Variants in STOML1 observed in about 807,000 individuals in gnomAD.
STOML1 encodes stomatin like 1, also known as stomatin-like protein 1.
In STOML1, 27 loss-of-function variants were observed where a neutral mutation model predicts 35.7. That is an observed-to-expected ratio of 0.76 (90% CI 0.56 to 1.04). STOML1 has a LOEUF of 1.04. Among genes scored for constraint, STOML1 ranks in the 50% least tolerant of loss-of-function variants. The pLI is 0.00. For missense variants in STOML1, 451 were observed against 527.1 expected (o/e 0.86, Z 1.41); for synonymous variants, 219 against 227.9 (o/e 0.96, Z 0.35).
At position 73,983,402 on chromosome 15, in the gene STOML1, C is replaced by T. The variant is rs1159817125; in HGVS notation, c.*535G>A. On this transcript the variant is annotated 3_prime_UTR_variant, in exon 7 of 7. Coordinates refer to ENST00000541638, the MANE Select transcript of STOML1 (RefSeq NM_004809.5). ...GGAAGCAGCAGGCCCTGCTCCTTCC[C>T]ATGCCCAATCCCGCCAGCACGGGCC... 3 of 152,590 alleles carry T rather than the reference C, an allele frequency of 2.0e-5. No homozygotes were observed. Among genetic ancestry groups the T allele is most frequent in the Non-Finnish European group, 4.4e-5 (3 of 68,346 alleles). The allele number at this position is 152,590 out of a possible 1,614,324, so 9.5% of individuals were successfully genotyped here.
chr15:73,992,463 AC>A, upstream of STOML1: 1 of 376,830 alleles, frequency 2.7e-6, no homozygotes. Flanking sequence ...CGTTCCTCGG[AC>A]CCCGCTGGGG....
In STOML1 at chr15:73,981,711, A is replaced by G. The variant is rs2068962828; in HGVS notation, c.*2226T>C. ...ACTTGGTAGCTGGGATGTGGAGGAC[A>G]TCACCTCCTCAGGAAAGCCTTCTCT... is the stretch of plus-strand genomic sequence containing the variant. On this transcript the variant is annotated 3_prime_UTR_variant, in exon 7 of 7. Transcript: ENST00000541638. 1 of 152,200 alleles carries G rather than the reference A, an allele frequency of 6.6e-6. No individual in the cohort carries two copies. Among genetic ancestry groups the G allele is most frequent in the Non-Finnish European group, 1.5e-5 (1 of 68,078 alleles). The allele number at this position is 152,200 out of a possible 1,614,324, so 9.4% of individuals were successfully genotyped here. A position where few individuals can be genotyped will look rare whatever the true frequency, so the allele number is the denominator to read the frequency against.
rs1314701103 is a variant in STOML1 at position 73,983,914 on chromosome 15, C to T, written c.*23G>A. On this transcript the variant is annotated 3_prime_UTR_variant, in exon 7 of 7. Transcript: ENST00000541638. Reference sequence around the variant, plus strand: ...GCTTGGTGCCAGGCTTGGGACTGGGCTCTGGAAAGTCAGCCAAGGCTGCTA... The same window carrying T: ...GCTTGGTGCCAGGCTTGGGACTGGGTTCTGGAAAGTCAGCCAAGGCTGCTA... 1.2e-6 allele frequency: 2 copies of T among 1,601,512 alleles called. No homozygotes were observed. The highest frequency in any genetic ancestry group is 1.7e-6 in the Non-Finnish European group (2 of 1,171,960).
upstream of STOML1, chr15:73,994,528 C>G (rs1465943978): frequency 1.1e-5 from 6 of 525,340 alleles, no homozygotes; most frequent in Non-Finnish European, 2.1e-5. Flanking sequence ...CCCTGCAGCT[C>G]TGCCCTACCT....
In STOML1 at chr15:73,979,943, C is replaced by T. The variant is rs1241486399; in HGVS notation, c.*3994G>A. ...AAAAAAAAAAAAAAAAAAAGCCAGG[C>T]ATGGTGATCCTTTAAGCCTGGGAGG... is the stretch of plus-strand genomic sequence containing the variant. On this transcript the variant is annotated 3_prime_UTR_variant, in exon 7 of 7. Coordinates refer to ENST00000541638, the MANE Select transcript of STOML1 (RefSeq NM_004809.5). 6.9e-6 allele frequency: 1 copy of T among 144,146 alleles called. No individual in the cohort carries two copies. The highest frequency in any genetic ancestry group is 2.0e-4 in the East Asian group (1 of 5,060). 8.9% of individuals were successfully genotyped at this position (144,146 alleles called of 1,614,324 possible). A position where few individuals can be genotyped will look rare whatever the true frequency, so the allele number is the denominator to read the frequency against.
In STOML1 at chr15:73,980,469, C is replaced by G. The variant is rs1224296017; in HGVS notation, c.*3468G>C. 4 of 152,158 alleles carry G rather than the reference C, an allele frequency of 2.6e-5. No individual in the cohort carries two copies. The highest frequency in any genetic ancestry group is 6.5e-5 in the Admixed American group (1 of 15,288). 9.4% of individuals were successfully genotyped at this position (152,158 alleles called of 1,614,324 possible). ...AAGTACAAGAAAGCACAGGGAAAGG[C>G]TGTCTGTGGTAACATGGAAAGATCC... On this transcript the variant is annotated 3_prime_UTR_variant, in exon 7 of 7. Transcript: ENST00000541638.
In STOML1 at chr15:73,980,340, G is replaced by A. The variant is rs2068947427; in HGVS notation, c.*3597C>T. ...TAGCACATGTTAAAGGTTATTCATT[G>A]CAAAAGTATTTAAAATAGCAAAACA... On this transcript the variant is annotated 3_prime_UTR_variant, in exon 7 of 7. Coordinates refer to ENST00000541638, the MANE Select transcript of STOML1 (RefSeq NM_004809.5). 6.6e-6 allele frequency: 1 copy of A among 152,156 alleles called. No homozygotes were observed. Among genetic ancestry groups the A allele is most frequent in the Non-Finnish European group, 1.5e-5 (1 of 68,026 alleles). 9.4% of individuals were successfully genotyped at this position (152,156 alleles called of 1,614,324 possible). A position where few individuals can be genotyped will look rare whatever the true frequency, so the allele number is the denominator to read the frequency against.
In STOML1 at chr15:73,988,983, A is replaced by G. The variant is rs925975325; in HGVS notation, c.390+125T>C. 4.1e-6 allele frequency: 6 copies of G among 1,469,118 alleles called. No individual in the cohort carries two copies. The highest frequency in any genetic ancestry group is 4.6e-5 in the East Asian group (2 of 43,314). The allele number at this position is 1,469,118 out of a possible 1,614,324, so 91.0% of individuals were successfully genotyped here. A position where few individuals can be genotyped will look rare whatever the true frequency, so the allele number is the denominator to read the frequency against. ...AAGGATGTCCTCCTAGCTTCCATCA[A>G]TTTTCTGGTCTCTTCTTCCCCCTTC... is the stretch of plus-strand genomic sequence containing the variant. On this transcript the variant is annotated intron_variant, in intron 3 of 6. Transcript: ENST00000541638. The surrounding 1 kb of genome is among the most constrained non-coding windows in gnomAD (Gnocchi z 4.8).
intron 1 of STOML1, chr15:73,991,162 G>T: frequency 3.0e-6 from 1 of 338,418 alleles, no homozygotes; most frequent in South Asian, 1.2e-4. Context: ...AAAAAACCCT[G>T]CCTATTTCAA....
intron 5 of STOML1, 30 bp downstream of exon 5, chr15:73,985,288 A>G (rs1595859970): frequency 1.3e-6 from 2 of 1,504,150 alleles, no homozygotes; most frequent in Admixed American, 2.4e-5. Context: ...GCTGGTAAAC[A>G]CCCCCGCTCT....
At chr15:73,990,279 C>T in intron 2 of STOML1, 72 bp downstream of exon 2, 2 of 1,392,818 alleles carry the variant, frequency 1.4e-6, no homozygotes, top group African/African-American at 1.4e-5. Flanking sequence ...AGAGGATAGG[C>T]AAATTTATTC....
rs542804313 is a variant in STOML1 at position 73,990,402 on chromosome 15, C to G, written c.189G>C (p.Gly63=). 4 of 1,614,132 alleles carry G rather than the reference C, an allele frequency of 2.5e-6. No individual in the cohort carries two copies. The East Asian group carries it at 6.7e-5, about 27-fold the overall frequency. ...GGAAGGTGACCAACAGCAGCAAGAA[C>G]CCCAGGAAACTGATGAGGCCATGAC... The part of the protein sequence containing the change: ...CLCHGLISFL[G]FLLLLVTFPI... Residue 63 remains glycine, a synonymous_variant, in exon 2 of 7, where the codon GGG becomes GGC. Coordinates refer to ENST00000541638, the MANE Select transcript of STOML1 (RefSeq NM_004809.5).
At chr15:73,984,542 G>T in intron 6 of STOML1, 117 bp downstream of exon 6, 2 of 1,233,952 alleles carry the variant, frequency 1.6e-6, no homozygotes, top group African/African-American at 1.5e-5. Context: ...TGCCTGCCAT[G>T]GGTTCACCCC....
Position 73,979,849 on chromosome 15 carries a change from A to G in STOML1, c.*4088T>C, listed in dbSNP as rs28642322. On this transcript the variant is annotated 3_prime_UTR_variant, in exon 7 of 7. Coordinates refer to ENST00000541638, the MANE Select transcript of STOML1 (RefSeq NM_004809.5). Reference sequence around the variant, plus strand: ...CTGTAATCCTAGCAGTTAGCGGGCCAGGGCCAGGTGGGAGGATCACTTGAG... The same window carrying G: ...CTGTAATCCTAGCAGTTAGCGGGCCGGGGCCAGGTGGGAGGATCACTTGAG... 0.077 allele frequency: 11,315 copies of G among 147,196 alleles called. 678 individuals carry two copies. The highest frequency in any genetic ancestry group is 0.19 in the East Asian group (928 of 4,924). 9.1% of individuals were successfully genotyped at this position (147,196 alleles called of 1,614,324 possible).
Position 73,983,982 on chromosome 15 carries a change from C to A in STOML1, c.1152G>T (p.Leu384=). ...CAGCCTCCAGCTTCATGGCCATAGC[C>A]AGGTCGCCCTTCACCTTCAGCCGTC... ...MSGRLKVKGD[L]AMAMKLEAVL... The change falls in exon 7 of 7, where the codon CTG becomes CTT. Residue 384 remains leucine (L), a synonymous_variant. Transcript: ENST00000541638. 1 of 1,614,068 alleles carries A rather than the reference C, an allele frequency of 6.2e-7. No individual in the cohort carries two copies. The highest frequency in any genetic ancestry group is 8.5e-7 in the Non-Finnish European group (1 of 1,180,024).
At chr15:73,991,797 TC>T in intron 1 of STOML1, 1 of 595,126 alleles carries the variant, frequency 1.7e-6, no homozygotes, top group Non-Finnish European at 3.1e-6. Flanking sequence ...TGAAACGTCT[TC>T]CCAGGCCTAA....
chr15:73,985,380 GC>G lies in STOML1; in HGVS notation c.727del (p.Ala243ProfsTer9). ...PNLDSTLQQLALHFLGGSMNS... is the reference protein window; with the variant it reads ...PNLDSTLQQLXLHFLGGSMNS... ...CATGCTTCCTCCCAGGAAGTGCAGGGCCAGCTGCTGGAGGGTGCTGTCCAGG... is the reference window on the plus strand; with the variant it reads ...CATGCTTCCTCCCAGGAAGTGCAGGGCAGCTGCTGGAGGGTGCTGTCCAGG... On this transcript the variant is annotated frameshift_variant, in exon 5 of 7. Coordinates refer to ENST00000541638, the MANE Select transcript of STOML1 (RefSeq NM_004809.5). LOFTEE classifies it high-confidence loss of function. 1 of 1,557,694 alleles carries G rather than the reference GC, an allele frequency of 6.4e-7. No homozygotes were observed. The highest frequency in any genetic ancestry group is 1.2e-5 in the South Asian group (1 of 82,816).
rs2068958333 is a variant in STOML1 at position 73,981,370 on chromosome 15, C to G, written c.*2567G>C. On this transcript the variant is annotated 3_prime_UTR_variant, in exon 7 of 7. Coordinates refer to ENST00000541638, the MANE Select transcript of STOML1 (RefSeq NM_004809.5). Reference sequence around the variant, plus strand: ...TCTTGTTTCAAAAAAAAATAAAATACTTTTCAATAACATCAAAATAACACA... The same window carrying G: ...TCTTGTTTCAAAAAAAAATAAAATAGTTTTCAATAACATCAAAATAACACA... 6.6e-6 allele frequency: 1 copy of G among 152,020 alleles called. No homozygotes were observed. 9.4% of individuals were successfully genotyped at this position (152,020 alleles called of 1,614,324 possible).
chr15:73,988,282 A>G lies in STOML1; in HGVS notation c.594+317T>C, dbSNP rs1299523345. On this transcript the variant is annotated intron_variant, in intron 4 of 6. Transcript: ENST00000541638. The surrounding 1 kb of genome is among the most constrained non-coding windows in gnomAD (Gnocchi z 4.8). ...GCCTGCCCCATGAGTCAGGCCCGGA[A>G]TGAGAGCTGTAGAAGCCAGTGTCAT... is the stretch of plus-strand genomic sequence containing the variant. 1 of 289,414 alleles carries G rather than the reference A, an allele frequency of 3.5e-6. No individual in the cohort carries two copies. Among genetic ancestry groups the G allele is most frequent in the Admixed American group, 4.6e-5 (1 of 21,522 alleles). The allele number at this position is 289,414 out of a possible 1,614,324, so 17.9% of individuals were successfully genotyped here. A position where few individuals can be genotyped will look rare whatever the true frequency, so the allele number is the denominator to read the frequency against.
Sources: allele counts gnomAD v4.1 joint callset, GRCh38; gene constraint gnomAD v4.1.1; non-coding constraint Gnocchi (gnomAD v3.1); transcripts MANE v1.5; gene names NCBI Gene and HGNC (gene_info 2026-07-23, HGNC 2026-07-21).